NKAIN2: variants seen among roughly 807,000 people sequenced by gnomAD.
NKAIN2 encodes sodium/potassium transporting ATPase interacting 2.
NKAIN2 carries 14 observed loss-of-function variants against 32.6 expected under a neutral mutation model. The ratio of observed to expected loss-of-function variants is 0.43; its 90% confidence interval spans 0.28 to 0.67. The LOEUF (loss-of-function observed/expected upper bound fraction) is 0.67, where lower values mean the gene tolerates loss of function less well. Among genes scored for constraint, NKAIN2 ranks in the 30% least tolerant of loss-of-function variants. The pLI, the probability that NKAIN2 is intolerant of heterozygous loss-of-function variation, is 0.17. For synonymous variants in NKAIN2, 80 were observed against 87.2 expected, an observed-to-expected ratio of 0.92 and a Z score of 0.46; for missense variants, 198 against 258.3, an observed-to-expected ratio of 0.77 and a Z score of 1.60.
chr6:124,118,267 A>T (rs1016057103), intron 1 of NKAIN2, among the ~76,000 whole-genome samples: 2 of 152,192 alleles, frequency 1.3e-5, no homozygotes, highest in African/African-American at 4.8e-5. Context: ...CACACATTGC[A>T]ATAACATAAA....
At chr6:124,808,454 C>G in intron 5 of NKAIN2, among the ~76,000 whole-genome samples, 1 of 152,182 alleles carries the variant, frequency 6.6e-6, no homozygotes, top group East Asian at 1.9e-4. Context: ...TAAAAACTCT[C>G]AATAAGTTAG....
intron 1 of NKAIN2, among the ~76,000 whole-genome samples, chr6:124,205,963 T>C (rs1294004221): frequency 6.6e-6 from 1 of 151,908 alleles, no homozygotes; most frequent in Admixed American, 6.6e-5. Context: ...AACACAAATA[T>C]GTGAGCAAGA....
intron 3 of NKAIN2, among the ~76,000 whole-genome samples, chr6:124,506,839 G>A (rs1360167022): frequency 6.6e-6 from 1 of 152,158 alleles, no homozygotes; most frequent in Non-Finnish European, 1.5e-5. Context: ...GATCTAAAAT[G>A]CATTGCTGAT....
At chr6:124,430,033 G>A (rs1298752563) in intron 3 of NKAIN2, among the ~76,000 whole-genome samples, 1 of 152,150 alleles carries the variant, frequency 6.6e-6, no homozygotes, top group South Asian at 2.1e-4. Context: ...TCAAAGGAAA[G>A]AGCTGTGCAA....
intron 1 of NKAIN2, among the ~76,000 whole-genome samples, chr6:123,807,503 A>G (rs1457288432): frequency 6.6e-6 from 1 of 152,150 alleles, no homozygotes; most frequent in Non-Finnish European, 1.5e-5. Context: ...ATGTAGTGGT[A>G]TAGGACAAGA....
intron 1 of NKAIN2, among the ~76,000 whole-genome samples, chr6:124,179,962 T>G (rs1351730020): frequency 6.6e-6 from 1 of 152,186 alleles, no homozygotes; most frequent in African/African-American, 2.4e-5. Context: ...AGCAAGAGAT[T>G]TAGATATTGC....
chr6:124,197,885 TC>T (rs1790398056), intron 1 of NKAIN2, among the ~76,000 whole-genome samples: 1 of 148,850 alleles, frequency 6.7e-6, no homozygotes. Flanking sequence ...TATGAGTGCT[TC>T]CTTCCTTTTT....
At chr6:124,649,622 G>A (rs1784295814) in intron 3 of NKAIN2, among the ~76,000 whole-genome samples, 2 of 152,118 alleles carry the variant, frequency 1.3e-5, no homozygotes, top group South Asian at 4.1e-4. Flanking sequence ...TATGATGCTA[G>A]CATCACCGTA....
intron 1 of NKAIN2, among the ~76,000 whole-genome samples, chr6:124,262,251 A>T (rs1312859685): frequency 6.6e-6 from 1 of 152,180 alleles, no homozygotes; most frequent in African/African-American, 2.4e-5. Flanking sequence ...CTCATAATCC[A>T]AGGATGCATC....
intron 3 of NKAIN2, among the ~76,000 whole-genome samples, chr6:124,495,859 G>A (rs1778042983): frequency 6.6e-6 from 1 of 152,054 alleles, no homozygotes; most frequent in Non-Finnish European, 1.5e-5. Flanking sequence ...TGACATTCTA[G>A]CACATTAGCA....
At chr6:123,995,675 C>T (rs1458754672) in intron 1 of NKAIN2, among the ~76,000 whole-genome samples, 1 of 152,082 alleles carries the variant, frequency 6.6e-6, no homozygotes, top group Non-Finnish European at 1.5e-5. Flanking sequence ...ACTTTCTTTG[C>T]TGTAAAATAA....
At chr6:124,237,115 A>G (rs1301286939) in intron 1 of NKAIN2, among the ~76,000 whole-genome samples, 1 of 152,192 alleles carries the variant, frequency 6.6e-6, no homozygotes, top group Non-Finnish European at 1.5e-5. Flanking sequence ...AAAAGTTCAA[A>G]TGTGTGAACT....
chr6:124,077,879 C>T (rs928350288), intron 1 of NKAIN2, among the ~76,000 whole-genome samples: 9 of 151,978 alleles, frequency 5.9e-5, no homozygotes, highest in South Asian at 2.1e-4. Flanking sequence ...GGATTACAGG[C>T]GTGAATGACA....
chr6:124,522,864 C>T (rs1219780841), intron 3 of NKAIN2, among the ~76,000 whole-genome samples: 2 of 152,014 alleles, frequency 1.3e-5, no homozygotes, highest in African/African-American at 2.4e-5. Flanking sequence ...AGATCTTTGG[C>T]CGGGCGCGGT....
At position 123,830,926 on chromosome 6, in the gene NKAIN2, T is replaced by C. The variant is rs547992925; in HGVS notation, c.54+26672T>C. On this transcript the variant is annotated intron_variant, in intron 1 of 6. Coordinates refer to ENST00000368417, the MANE Select transcript of NKAIN2 (RefSeq NM_001040214.3). Reference sequence around the variant, plus strand: ...TCATCTGGGGAATGAACTGCTGTTATCTCTGCAGGTTTGTAGAGATATTAA... The same window carrying C: ...TCATCTGGGGAATGAACTGCTGTTACCTCTGCAGGTTTGTAGAGATATTAA... Among the ~76,000 whole-genome samples, 10 of 152,342 alleles carry C rather than the reference T, an allele frequency of 6.6e-5. No homozygotes were observed. In the South Asian group the frequency reaches 1.0e-3, roughly 16 times the overall value.
At chr6:124,264,592 GTATCAC>G (rs1207945688) in intron 1 of NKAIN2, among the ~76,000 whole-genome samples, 1 of 152,096 alleles carries the variant, frequency 6.6e-6, no homozygotes, top group African/African-American at 2.4e-5. Flanking sequence ...AAGACCTCCT[GTATCAC>G]TAAATCTTAA....
intron 1 of NKAIN2, among the ~76,000 whole-genome samples, chr6:124,202,212 T>C (rs563911742): frequency 1.8e-4 from 27 of 152,064 alleles, no homozygotes; most frequent in Non-Finnish European, 2.7e-4. Flanking sequence ...GATTACACAT[T>C]AAGCATTTAA....
intron 4 of NKAIN2, among the ~76,000 whole-genome samples, chr6:124,683,889 A>C (rs1583640023): frequency 6.6e-6 from 1 of 152,306 alleles, no homozygotes; most frequent in East Asian, 1.9e-4. Flanking sequence ...TATTGTGGAA[A>C]GTTGAGGCTC....
At chr6:124,166,916 T>C (rs1288574940) in intron 1 of NKAIN2, among the ~76,000 whole-genome samples, 1 of 149,434 alleles carries the variant, frequency 6.7e-6, no homozygotes, top group African/African-American at 2.5e-5. Flanking sequence ...TTTTGGTTAC[T>C]GTAGCCTTGT....
Sources: gnomAD v4.1 joint callset for allele counts (sites outside exome capture counted in the v4.1 genomes callset) on GRCh38, gnomAD v4.1.1 for gene constraint, MANE v1.5 for transcripts, NCBI Gene and HGNC (gene_info 2026-07-23, HGNC 2026-07-21) for gene names.